ADAMTS12: variants seen among roughly 807,000 people sequenced by gnomAD.
ADAMTS12 encodes ADAM metallopeptidase with thrombospondin type 1 motif 12.
A neutral mutation model predicts 167.8 loss-of-function variants in ADAMTS12; 118 were observed. The observed-to-expected ratio is 0.70, with a 90% CI of 0.61 to 0.82. The LOEUF is 0.82. ADAMTS12 is among the 40% of genes least tolerant of loss of function. ADAMTS12 has a pLI of 0.00. For synonymous variants in ADAMTS12, 704 were observed against 716.9 expected (o/e 0.98, Z 0.29); for missense variants, 1,916 against 1,998.8 (o/e 0.96, Z 0.79).
intron 2 of ADAMTS12, among the ~76,000 whole-genome samples, chr5:33,799,387 G>T (rs191451451): frequency 5.4e-4 from 82 of 152,284 alleles, no homozygotes; most frequent in African/African-American, 1.9e-3. Context: ...CCAAGGGGCT[G>T]CTCATACTTC....
intron 3 of ADAMTS12, among the ~76,000 whole-genome samples, chr5:33,712,180 T>A (rs187028913): frequency 2.0e-5 from 3 of 152,266 alleles, no homozygotes; most frequent in South Asian, 2.1e-4. Context: ...ACACCGTAAA[T>A]ACTTACTAAA....
At chr5:33,751,072 C>T in intron 3 of ADAMTS12, 1 of 402,990 alleles carries the variant, frequency 2.5e-6, no homozygotes, top group Non-Finnish European at 4.4e-6. Context: ...AATTATTTTC[C>T]TGTAGACTAT....
intron 2 of ADAMTS12, among the ~76,000 whole-genome samples, chr5:33,856,316 T>C (rs1191354683): frequency 6.6e-6 from 1 of 152,192 alleles, no homozygotes; most frequent in Non-Finnish European, 1.5e-5. Flanking sequence ...TGGACTATTG[T>C]GTCCTGGGTG....
At chr5:33,699,520 T>A (rs955371706) in intron 3 of ADAMTS12, among the ~76,000 whole-genome samples, 8 of 152,242 alleles carry the variant, frequency 5.3e-5, no homozygotes, top group African/African-American at 1.7e-4. Flanking sequence ...CCACGAATTC[T>A]AAGACAGTCT....
chr5:33,705,957 C>G (rs566010404), intron 3 of ADAMTS12, among the ~76,000 whole-genome samples: 40 of 152,132 alleles, frequency 2.6e-4, no homozygotes, highest in Non-Finnish European at 4.9e-4. Flanking sequence ...CTACAAAACA[C>G]TTATGAAAGA....
At chr5:33,778,894 C>A (rs565437162) in intron 2 of ADAMTS12, among the ~76,000 whole-genome samples, 2 of 152,006 alleles carry the variant, frequency 1.3e-5, no homozygotes, top group African/African-American at 2.4e-5. Context: ...AACATACAAG[C>A]AACCAAGAGA....
intron 20 of ADAMTS12, among the ~76,000 whole-genome samples, chr5:33,551,775 A>G (rs1745261508): frequency 6.6e-6 from 1 of 152,234 alleles, no homozygotes; most frequent in Non-Finnish European, 1.5e-5. Context: ...CACTAAATCT[A>G]TCATTATTCT....
intron 2 of ADAMTS12, among the ~76,000 whole-genome samples, chr5:33,793,964 T>TA: frequency 6.6e-6 from 1 of 152,300 alleles, no homozygotes; most frequent in South Asian, 2.1e-4. Context: ...TTCAAATTGT[T>TA]ACAAAGTTCA....
chr5:33,641,638 A>G (rs1300524522), intron 11 of ADAMTS12, among the ~76,000 whole-genome samples, 172 bp downstream of exon 11: 1 of 152,122 alleles, frequency 6.6e-6, no homozygotes, highest in Non-Finnish European at 1.5e-5. Flanking sequence ...ACAAAACAGA[A>G]CCACTTTTTT....
At position 33,576,558 on chromosome 5, in the gene ADAMTS12, G is replaced by T; in HGVS notation, c.3468C>A (p.His1156Gln). The T allele has an allele frequency of 6.2e-7, 1 of 1,614,124 alleles. No individual in the cohort carries two copies. The highest frequency in any genetic ancestry group is 2.2e-5 in the East Asian group (1 of 44,888). The part of the protein sequence containing the change: ...TLTKGPEMEI[H>Q]SGSGEEREQP... ...GTTCTCTTTCTTCCCCTGAGCCACT[G>T]TGAATCTCCATTTCTGGACCTTTGG... The change falls in exon 19 of 24, where the codon CAC becomes CAA. Residue 1156 changes from histidine to glutamine, a missense_variant. Physicochemically the swap from His to Gln is conservative, Grantham distance 24. Coordinates refer to ENST00000504830, the MANE Select transcript of ADAMTS12 (RefSeq NM_030955.4).
At chr5:33,558,708 AT>A (rs1410948852) in intron 20 of ADAMTS12, among the ~76,000 whole-genome samples, 6 of 152,194 alleles carry the variant, frequency 3.9e-5, no homozygotes, top group African/African-American at 1.4e-4. Flanking sequence ...GAGTCATGTA[AT>A]TTCCAATGAA....
At chr5:33,601,398 GA>G (rs1224461461) in intron 16 of ADAMTS12, among the ~76,000 whole-genome samples, 1 of 152,128 alleles carries the variant, frequency 6.6e-6, no homozygotes, top group African/African-American at 2.4e-5. Flanking sequence ...AGGACCTTGA[GA>G]AAAGTTTTGT....
At chr5:33,559,113 G>C (rs1317631104) in intron 20 of ADAMTS12, among the ~76,000 whole-genome samples, 1 of 152,090 alleles carries the variant, frequency 6.6e-6, no homozygotes, top group Non-Finnish European at 1.5e-5. Flanking sequence ...CAACACCTCT[G>C]GGTCCTGTCT....
rs116343094 is a variant in ADAMTS12 at position 33,554,351 on chromosome 5, C to T, written c.4126-4968G>A. Among the ~76,000 whole-genome samples, 125 of 152,180 alleles carry T rather than the reference C, an allele frequency of 8.2e-4. 1 individual carries two copies. Among genetic ancestry groups the T allele is most frequent in the African/African-American group, 2.9e-3 (120 of 41,506 alleles). ...GATGGGTGGACGCCATCATGGAGAACCTTGTGGTCTGGACATTGGTGGTCT... is the reference window on the plus strand; with the variant it reads ...GATGGGTGGACGCCATCATGGAGAATCTTGTGGTCTGGACATTGGTGGTCT... On this transcript the variant is annotated intron_variant, in intron 20 of 23. Transcript: ENST00000504830.
intron 7 of ADAMTS12, among the ~76,000 whole-genome samples, chr5:33,650,938 TGATCAGTATTAGCAAC>T (rs1740847202): frequency 6.6e-6 from 1 of 152,242 alleles, no homozygotes; most frequent in Non-Finnish European, 1.5e-5. Context: ...TGAAACCTTC[TGATCAGTATTAGCAAC>T]TCTTGCTGAG....
At chr5:33,716,849 A>G (rs1189818543) in intron 3 of ADAMTS12, among the ~76,000 whole-genome samples, 1 of 152,178 alleles carries the variant, frequency 6.6e-6, no homozygotes, top group East Asian at 1.9e-4. Context: ...CAAAGGCTTC[A>G]GATTCTTCTC....
At position 33,584,605 on chromosome 5, in the gene ADAMTS12, T is replaced by A. The variant is rs138702226; in HGVS notation, c.2865+3994A>T. ...CTTTTGTCTTCTTGTCTGATAATAA[T>A]TTAGTGAACACTTACTTTTTACCAG... On this transcript the variant is annotated intron_variant, in intron 18 of 23. Transcript: ENST00000504830. Among the ~76,000 whole-genome samples, 93 of 152,350 alleles carry A rather than the reference T, an allele frequency of 6.1e-4. 1 individual carries two copies. In the East Asian group the frequency reaches 0.016, roughly 26 times the overall value.
At chr5:33,823,934 G>A (rs1238418350) in intron 2 of ADAMTS12, among the ~76,000 whole-genome samples, 1 of 152,082 alleles carries the variant, frequency 6.6e-6, no homozygotes, top group Non-Finnish European at 1.5e-5. Context: ...TAATTGGACT[G>A]TGGTGATCAT....
intron 2 of ADAMTS12, among the ~76,000 whole-genome samples, chr5:33,869,750 C>T (rs368349385): frequency 3.3e-5 from 5 of 152,262 alleles, no homozygotes; most frequent in Admixed American, 6.5e-5. Context: ...AATGAAGATC[C>T]ATGTCCCACT....
Sources: gnomAD v4.1 joint callset for allele counts (sites outside exome capture counted in the v4.1 genomes callset) on GRCh38, gnomAD v4.1.1 for gene constraint, MANE v1.5 for transcripts, NCBI Gene and HGNC (gene_info 2026-07-23, HGNC 2026-07-21) for gene names.